The following PDE4D variants were observed in gnomAD, a reference collection of about 807,000 sequenced individuals.
PDE4D encodes the protein 3',5'-cyclic-AMP phosphodiesterase 4D.
In PDE4D, 24 loss-of-function variants were observed where a neutral mutation model predicts 87.4. The observed-to-expected ratio is 0.27, with a 90% CI of 0.20 to 0.39. PDE4D has a LOEUF of 0.39. Among genes scored for constraint, PDE4D ranks in the 10% least tolerant of loss-of-function variants. The pLI, the probability that PDE4D is intolerant of heterozygous loss-of-function variation, is 1.00. For synonymous variants in PDE4D, 384 were observed against 383.2 expected (o/e 1.00, Z -0.02); for missense variants, 714 against 1,041.0 (o/e 0.69, Z 4.32).
intron 1 of PDE4D, among the ~76,000 whole-genome samples, chr5:59,721,255 G>T (rs1561538130): frequency 6.6e-6 from 1 of 152,020 alleles, no homozygotes; most frequent in Non-Finnish European, 1.5e-5. Flanking sequence ...TATTTCCTGT[G>T]TATTATTATT....
At chr5:59,077,709 T>C (rs1048692909) in intron 5 of PDE4D, among the ~76,000 whole-genome samples, 1 of 152,116 alleles carries the variant, frequency 6.6e-6, no homozygotes, top group African/African-American at 2.4e-5. Context: ...AGGACTACCA[T>C]GCATATCAGT....
intron 2 of PDE4D, among the ~76,000 whole-genome samples, chr5:60,136,468 C>A (rs1780058189): frequency 2.6e-5 from 4 of 152,064 alleles, no homozygotes; most frequent in African/African-American, 9.7e-5. Flanking sequence ...GTGTCTGCCA[C>A]CATGCCCAGC....
At chr5:59,178,991 C>T (rs565956527) in intron 5 of PDE4D, among the ~76,000 whole-genome samples, 82 of 152,200 alleles carry the variant, frequency 5.4e-4, no homozygotes, top group African/African-American at 1.9e-3. Context: ...CAGAGGGATC[C>T]GGTTCCACAC....
chr5:60,513,423 G>A (rs979905802), intron 1 of PDE4D, among the ~76,000 whole-genome samples: 1 of 151,982 alleles, frequency 6.6e-6, no homozygotes, highest in Non-Finnish European at 1.5e-5. Flanking sequence ...AATAACAGAG[G>A]CTTAAATTAT....
At chr5:59,836,650 C>CTATA (rs1742114081) in intron 1 of PDE4D, among the ~76,000 whole-genome samples, 1 of 151,318 alleles carries the variant, frequency 6.6e-6, no homozygotes, top group African/African-American at 2.4e-5. Context: ...ATCTATCTAT[C>CTATA]TATCTATCAT....
intron 5 of PDE4D, among the ~76,000 whole-genome samples, chr5:59,070,280 A>G (rs993352392): frequency 6.6e-6 from 1 of 152,332 alleles, no homozygotes; most frequent in East Asian, 1.9e-4. Flanking sequence ...TTATAGATGC[A>G]AATAGTTTAG....
At chr5:60,357,357 A>G (rs1348271616) in intron 1 of PDE4D, among the ~76,000 whole-genome samples, 7 of 151,622 alleles carry the variant, frequency 4.6e-5, no homozygotes, top group African/African-American at 1.7e-4. Context: ...TCACTTTTAA[A>G]CTCTCTGGCT....
At chr5:59,398,051 T>A (rs1363297249) in intron 1 of PDE4D, among the ~76,000 whole-genome samples, 2 of 139,748 alleles carry the variant, frequency 1.4e-5, no homozygotes, top group African/African-American at 5.5e-5. Flanking sequence ...AATCTCTGAA[T>A]AGACCAATAA....
At chr5:60,085,294 G>A (rs1774410536) in intron 2 of PDE4D, among the ~76,000 whole-genome samples, 1 of 152,178 alleles carries the variant, frequency 6.6e-6, no homozygotes, top group African/African-American at 2.4e-5. Context: ...AGGGAATATA[G>A]CCTTAGGGTG....
At chr5:60,139,820 A>C (rs1780373388) in intron 2 of PDE4D, among the ~76,000 whole-genome samples, 1 of 152,102 alleles carries the variant, frequency 6.6e-6, no homozygotes, top group African/African-American at 2.4e-5. Context: ...TTATGCAAGA[A>C]TCCACATTGA....
chr5:59,417,362 A>T (rs1793784867), intron 1 of PDE4D, among the ~76,000 whole-genome samples: 1 of 152,166 alleles, frequency 6.6e-6, no homozygotes, highest in South Asian at 2.1e-4. Context: ...TGCATTTGAA[A>T]CAGCTTCAAT....
intron 1 of PDE4D, among the ~76,000 whole-genome samples, chr5:60,467,860 C>T (rs1032365899): frequency 1.3e-5 from 2 of 152,076 alleles, no homozygotes; most frequent in Admixed American, 6.6e-5. Flanking sequence ...ACTCAGATCT[C>T]GTGAGAACTC....
intron 1 of PDE4D, among the ~76,000 whole-genome samples, chr5:60,203,050 G>T (rs1562214652): frequency 6.6e-6 from 1 of 152,154 alleles, no homozygotes; most frequent in Non-Finnish European, 1.5e-5. Flanking sequence ...TTGGCTCACC[G>T]CAACTTCTGC....
At chr5:59,384,772 T>C (rs1158436316) in intron 1 of PDE4D, among the ~76,000 whole-genome samples, 1 of 152,028 alleles carries the variant, frequency 6.6e-6, no homozygotes, top group Non-Finnish European at 1.5e-5. Context: ...ATACTGGGTT[T>C]TTTTTTCTTG....
chr5:60,518,574 C>T (rs1488287346), intron 1 of PDE4D, among the ~76,000 whole-genome samples: 2 of 152,176 alleles, frequency 1.3e-5, no homozygotes, highest in African/African-American at 4.8e-5. Context: ...ATACAGTTTC[C>T]ATTTGCCTTT....
At chr5:60,385,549 C>T (rs1762139877) in intron 1 of PDE4D, among the ~76,000 whole-genome samples, 1 of 152,240 alleles carries the variant, frequency 6.6e-6, no homozygotes, top group Non-Finnish European at 1.5e-5. Flanking sequence ...ACTGGCAACA[C>T]TTGCCACAGA....
chr5:59,640,769 CAATT>C (rs1477962513), intron 1 of PDE4D, among the ~76,000 whole-genome samples: 1 of 152,296 alleles, frequency 6.6e-6, no homozygotes, highest in East Asian at 1.9e-4. Flanking sequence ...GAACCTCATT[CAATT>C]GTCACCTCTT....
intron 2 of PDE4D, among the ~76,000 whole-genome samples, chr5:60,020,025 T>C (rs1765887254): frequency 6.6e-6 from 1 of 152,132 alleles, no homozygotes; most frequent in Non-Finnish European, 1.5e-5. Context: ...AAGAAAAAGA[T>C]TGAAAACTCT....
chr5:59,484,899 A>G (rs1804852310), intron 1 of PDE4D, among the ~76,000 whole-genome samples: 1 of 152,204 alleles, frequency 6.6e-6, no homozygotes. Flanking sequence ...CGATTCACCA[A>G]CCACAACTTG....
Sources: allele counts gnomAD v4.1 joint callset (sites outside exome capture counted in the v4.1 genomes callset), GRCh38; gene constraint gnomAD v4.1.1; transcripts MANE v1.5; gene names NCBI Gene and HGNC (gene_info 2026-07-23, HGNC 2026-07-21).